The following NGB variants were observed in gnomAD, a reference collection of about 807,000 sequenced individuals.
NGB encodes the protein nitrite reductase.
In NGB, 12 loss-of-function variants were observed where a neutral mutation model predicts 17.3. That is an observed-to-expected ratio of 0.69 (90% CI 0.45 to 1.13). NGB has a LOEUF of 1.13. NGB is among the 50% of genes most tolerant of loss of function. The pLI, the probability that NGB is intolerant of heterozygous loss-of-function variation, is 0.00. For synonymous variants in NGB, 87 were observed against 81.0 expected (o/e 1.07, Z -0.40); for missense variants, 195 against 191.7 (o/e 1.02, Z -0.10).
intron 1 of NGB, 148 bp downstream of exon 1, chr14:77,270,701 G>T: frequency 1.4e-6 from 1 of 701,066 alleles, no homozygotes; most frequent in Admixed American, 2.5e-5. Flanking sequence ...CCGTCGCCGC[G>T]CCCCGCTCCT....
chr14:77,266,441 C>G lies in NGB; in HGVS notation c.*95G>C, dbSNP rs1385919328. The G allele has an allele frequency of 3.0e-5, 46 of 1,538,144 alleles. No individual in the cohort carries two copies. The highest frequency in any genetic ancestry group is 3.6e-5 in the Non-Finnish European group (40 of 1,125,754). Reference sequence around the variant, plus strand: ...TCCAGTGTGGCCAAGGGGACAAGGACCAAGATGCAGGGAAGCTTGGGGAGC... The same window carrying G: ...TCCAGTGTGGCCAAGGGGACAAGGAGCAAGATGCAGGGAAGCTTGGGGAGC... On this transcript the variant is annotated 3_prime_UTR_variant, in exon 4 of 4. Transcript: ENST00000298352.
chr14:77,266,988 C>T (rs1889681973), intron 3 of NGB, among the ~76,000 whole-genome samples: 1 of 152,244 alleles, frequency 6.6e-6, no homozygotes, highest in South Asian at 2.1e-4. Flanking sequence ...TGCTCCCAGA[C>T]TTGAGTTTCC....
chr14:77,269,505 T>G (rs1889722374), intron 1 of NGB, among the ~76,000 whole-genome samples, 179 bp from the exon 2 acceptor site: 1 of 152,096 alleles, frequency 6.6e-6, no homozygotes, highest in African/African-American at 2.4e-5. Context: ...CTCCTCCTCA[T>G]GCCTTCTACT....
Position 77,271,057 on chromosome 14 carries a change from C to G in NGB, c.-120G>C. On this transcript the variant is annotated 5_prime_UTR_variant, in exon 1 of 4. Coordinates refer to ENST00000298352, the MANE Select transcript of NGB (RefSeq NM_021257.4). Reference sequence around the variant, plus strand: ...CTCCGCCCCTCGTACGCCCCCCGTGCCTCCGCCCGGCGGGGGCCGCAGCCG... The same window carrying G: ...CTCCGCCCCTCGTACGCCCCCCGTGGCTCCGCCCGGCGGGGGCCGCAGCCG... 2.9e-6 allele frequency: 2 copies of G among 695,960 alleles called. No homozygotes were observed. The highest frequency in any genetic ancestry group is 2.2e-6 in the Non-Finnish European group (1 of 458,646). The allele number at this position is 695,960 out of a possible 1,614,324, so 43.1% of individuals were successfully genotyped here. A position where few individuals can be genotyped will look rare whatever the true frequency, so the allele number is the denominator to read the frequency against.
At chr14:77,269,413 G>A in intron 1 of NGB, 87 bp from the exon 2 acceptor site, 1 of 869,098 alleles carries the variant, frequency 1.2e-6, no homozygotes. Flanking sequence ...TCAGCGGGCG[G>A]GGGTGCCAAG....
Position 77,266,316 on chromosome 14 carries a change from G to A in NGB, c.*220C>T, listed in dbSNP as rs376782720. ...AAAGAAACGCAAGAAAGAGGCTACT[G>A]GGGATGAGGGGACACCCAGAAGCCC... On this transcript the variant is annotated 3_prime_UTR_variant, in exon 4 of 4. Transcript: ENST00000298352. 5.1e-6 allele frequency: 4 copies of A among 778,672 alleles called. No homozygotes were observed. The highest frequency in any genetic ancestry group is 1.7e-5 in the Admixed American group (1 of 58,704). 48.2% of individuals were successfully genotyped at this position (778,672 alleles called of 1,614,324 possible).
intron 2 of NGB, among the ~76,000 whole-genome samples, chr14:77,268,874 G>A (rs1250697804): frequency 1.3e-5 from 2 of 152,196 alleles, no homozygotes; most frequent in Non-Finnish European, 2.9e-5. Flanking sequence ...AGGAGAAACT[G>A]AGGCCCTTTG....
chr14:77,269,766 T>A lies in NGB; in HGVS notation c.90-440A>T. 1.9e-4 allele frequency among the ~76,000 whole-genome samples: 6 copies of A among 30,956 alleles called. 1 individual carries two copies. Among genetic ancestry groups the A allele is most frequent in the Non-Finnish European group, 3.3e-4 (6 of 18,188 alleles). 20.3% of individuals were successfully genotyped at this position (30,956 alleles called of 152,430 possible). ...CTCTCTCTCTCTCTCTCTCTCTCTC[T>A]CTCTCTCTCTCTCTCTCCCTCTCCC... On this transcript the variant is annotated intron_variant, in intron 1 of 3. Coordinates refer to ENST00000298352, the MANE Select transcript of NGB (RefSeq NM_021257.4).
At chr14:77,270,660 G>C (rs148319479) in intron 1 of NGB, among the ~76,000 whole-genome samples, 189 bp downstream of exon 1, 3 of 152,210 alleles carry the variant, frequency 2.0e-5, no homozygotes, top group African/African-American at 7.2e-5. Flanking sequence ...AGGCGCCCAC[G>C]GTCGAGAGAG....
At chr14:77,270,782 G>T in intron 1 of NGB, 67 bp downstream of exon 1, 1 of 1,366,660 alleles carries the variant, frequency 7.3e-7, no homozygotes, top group Non-Finnish European at 1.0e-6. Flanking sequence ...GGCCGGTCCT[G>T]CCGCGTGACC....
At chr14:77,269,151 A>G (rs1046047018) in intron 2 of NGB, 64 bp downstream of exon 2, 9 of 1,065,578 alleles carry the variant, frequency 8.4e-6, no homozygotes, top group Admixed American at 2.0e-5. Context: ...CATTTTCTCC[A>G]TTCTCCACCA....
Position 77,266,570 on chromosome 14 carries a change from A to T in NGB, c.422T>A (p.Val141Glu). Residue 141 changes from valine to glutamate, a missense_variant, in exon 4 of 4, where the codon GTG becomes GAG. Coordinates refer to ENST00000298352, the MANE Select transcript of NGB (RefSeq NM_021257.4). ...AAWSQLYGAVVQAMSRGWDGE is the reference protein window; with the variant it reads ...AAWSQLYGAVEQAMSRGWDGE The stretch of plus-strand genomic sequence containing the variant: ...ATCCCAGCCTCGACTCATGGCCTGC[A>T]CTACGGCCCCGTAGAGTTGGCTCCA... 1.2e-6 allele frequency: 2 copies of T among 1,614,100 alleles called. No individual in the cohort carries two copies. Among genetic ancestry groups the T allele is most frequent in the Non-Finnish European group, 1.7e-6 (2 of 1,180,012 alleles).
chr14:77,268,708 A>T, intron 2 of NGB, 123 bp from the exon 3 acceptor site: 1 of 1,364,204 alleles, frequency 7.3e-7, no homozygotes, highest in Non-Finnish European at 1.0e-6. Flanking sequence ...GTTCTCCAAG[A>T]TCAGGGGTCA....
rs1253308027 is a variant in NGB at position 77,269,310 on chromosome 14, G to T, written c.106C>A (p.Pro36Thr). 1.9e-6 allele frequency: 3 copies of T among 1,550,730 alleles called. No homozygotes were observed. The East Asian group carries it at 7.3e-5, about 38-fold the overall frequency. The change falls in exon 2 of 4, where the codon CCT becomes ACT. Residue 36 changes from proline (P) to threonine (T), a missense_variant. By Grantham distance (38) the Pro-to-Thr change is conservative. Transcript: ENST00000298352. ...TACTGGAAGAGGGGCAGCAGGTCAG[G>T]CTCCAGGGCAAACAGCCTGTGGGAG... ...VLFARLFALEPDLLPLFQYNC... is the reference protein window; with the variant it reads ...VLFARLFALETDLLPLFQYNC...
Position 77,270,945 on chromosome 14 carries a change from C to A in NGB, c.-8G>T, listed in dbSNP as rs955857909. The A allele has an allele frequency of 7.2e-6, 11 of 1,526,782 alleles. No individual in the cohort carries two copies. Among genetic ancestry groups the A allele is most frequent in the Non-Finnish European group, 9.6e-6 (11 of 1,142,496 alleles). The allele number at this position is 1,526,782 out of a possible 1,614,324, so 94.6% of individuals were successfully genotyped here. On this transcript the variant is annotated 5_prime_UTR_variant, in exon 1 of 4. Transcript: ENST00000298352. Reference sequence around the variant, plus strand: ...GGGCTCCGGGCGCTCCATGCTGTCCCGGGGACGCGGAGCGCGGGGCTGGGA... The same window carrying A: ...GGGCTCCGGGCGCTCCATGCTGTCCAGGGGACGCGGAGCGCGGGGCTGGGA...
rs539113525 is a variant in NGB at position 77,270,859 on chromosome 14, G to A, written c.79C>T (p.Leu27=). ...TCGTGTAGCCCTCACCTGGCAAACA[G>A]GACGGTGCCGTGCTCCAGCGGGCTG... ...SRSPLEHGTV[L]FARLFALEPD... Residue 27 remains leucine (L), a synonymous_variant, in exon 1 of 4, where the codon CTG becomes TTG. Transcript: ENST00000298352. 9 of 1,585,306 alleles carry A rather than the reference G, an allele frequency of 5.7e-6. No homozygotes were observed. The highest frequency in any genetic ancestry group is 2.3e-5 in the East Asian group (1 of 43,764).
chr14:77,270,499 C>G lies in NGB; in HGVS notation c.89+350G>C, dbSNP rs569031887. Reference sequence around the variant, plus strand: ...CGGGGTGCACCCCTGCAGTCGCTACCTAAGGAAGACGCAGGAGGCACAAGG... The same window carrying G: ...CGGGGTGCACCCCTGCAGTCGCTACGTAAGGAAGACGCAGGAGGCACAAGG... On this transcript the variant is annotated intron_variant, in intron 1 of 3. Coordinates refer to ENST00000298352, the MANE Select transcript of NGB (RefSeq NM_021257.4). Among the ~76,000 whole-genome samples, 12 of 152,346 alleles carry G rather than the reference C, an allele frequency of 7.9e-5. No individual in the cohort carries two copies. In the South Asian group the frequency reaches 2.5e-3, roughly 32 times the overall value.
At chr14:77,269,412 G>A (rs771536700) in intron 1 of NGB, 86 bp from the exon 2 acceptor site, 45 of 893,500 alleles carry the variant, frequency 5.0e-5, no homozygotes, top group East Asian at 8.2e-5. Context: ...GTCAGCGGGC[G>A]GGGGTGCCAA....
chr14:77,268,634 T>C, intron 2 of NGB, 49 bp from the exon 3 acceptor site: 5 of 1,608,580 alleles, frequency 3.1e-6, no homozygotes, highest in South Asian at 1.1e-5. Context: ...AGCAGCCCCA[T>C]CTGCTCACAA....
Sources: allele counts gnomAD v4.1 joint callset (sites outside exome capture counted in the v4.1 genomes callset), GRCh38; gene constraint gnomAD v4.1.1; transcripts MANE v1.5; gene names NCBI Gene and HGNC (gene_info 2026-07-23, HGNC 2026-07-21).